The following CUL5 variants were observed in gnomAD, a reference collection of about 807,000 sequenced individuals.
The protein encoded by CUL5 is cullin 5, also known as cullin-5.
CUL5 carries 26 observed loss-of-function variants against 108.8 expected under a neutral mutation model. The ratio of observed to expected loss-of-function variants is 0.24; its 90% CI spans 0.18 to 0.33. CUL5 has a LOEUF of 0.33. Among genes scored for constraint, CUL5 ranks in the 10% least tolerant of loss-of-function variants. The pLI is 1.00. For synonymous variants in CUL5, 334 were observed against 298.0 expected, an observed-to-expected ratio of 1.12 and a Z score of -1.25; for missense variants, 524 against 909.2, an observed-to-expected ratio of 0.58 and a Z score of 5.45.
chr11:108,091,179 G>C (rs1422661590), intron 13 of CUL5, among the ~76,000 whole-genome samples: 1 of 151,910 alleles, frequency 6.6e-6, no homozygotes, highest in Non-Finnish European at 1.5e-5. Flanking sequence ...AGCCTCCTAA[G>C]TAGCTGGGAC....
chr11:108,066,632 A>G (rs374990051), intron 7 of CUL5, among the ~76,000 whole-genome samples: 51 of 152,184 alleles, frequency 3.4e-4, no homozygotes, highest in African/African-American at 8.7e-4. Flanking sequence ...GTTTCTTCCT[A>G]TTTGAATTCC....
chr11:108,009,348 C>T lies in CUL5; in HGVS notation c.-1C>T. On this transcript the variant is annotated 5_prime_UTR_variant, in exon 1 of 19. Transcript: ENST00000393094. ...TCTCGCGAGAGTCCAAGTTAAAGAA[C>T]ATGGCGACGTCTAATCTGTTAAAGG... 1.2e-6 allele frequency: 2 copies of T among 1,613,252 alleles called. No homozygotes were observed. The highest frequency in any genetic ancestry group is 1.7e-6 in the Non-Finnish European group (2 of 1,179,620).
intron 1 of CUL5, among the ~76,000 whole-genome samples, chr11:108,031,700 G>A (rs1443419111): frequency 4.6e-5 from 7 of 151,988 alleles, no homozygotes; most frequent in South Asian, 2.1e-4. Flanking sequence ...CAGTGCTGTC[G>A]TATAAAGACA....
intron 1 of CUL5, among the ~76,000 whole-genome samples, chr11:108,032,517 CAAAA>C (rs1704255604): frequency 6.6e-6 from 1 of 151,962 alleles, no homozygotes; most frequent in Non-Finnish European, 1.5e-5. Context: ...TAAAAACAAA[CAAAA>C]AACAAATCAC....
At chr11:108,087,755 AG>A (rs1287784386) in intron 11 of CUL5, among the ~76,000 whole-genome samples, 4 of 151,826 alleles carry the variant, frequency 2.6e-5, no homozygotes, top group Non-Finnish European at 4.4e-5. Context: ...ACCTGAGGTC[AG>A]AAGTTTGAGA....
chr11:108,096,501 A>T (rs948852530), intron 16 of CUL5, among the ~76,000 whole-genome samples: 70 of 150,150 alleles, frequency 4.7e-4, no homozygotes, highest in African/African-American at 1.1e-3. Flanking sequence ...TTTTTTTTTT[A>T]AAAAAGAGAA....
intron 4 of CUL5, among the ~76,000 whole-genome samples, chr11:108,051,142 T>TA (rs1330891847): frequency 6.6e-6 from 1 of 152,196 alleles, no homozygotes; most frequent in Non-Finnish European, 1.5e-5. Flanking sequence ...AGGGATACTG[T>TA]AAATTTAGAT....
intron 1 of CUL5, among the ~76,000 whole-genome samples, chr11:108,019,158 A>G (rs1189697413): frequency 8.1e-6 from 1 of 124,030 alleles, no homozygotes; most frequent in Non-Finnish European, 1.6e-5. Context: ...ATTTTCTATC[A>G]AGGACTTGAA....
intron 18 of CUL5, among the ~76,000 whole-genome samples, chr11:108,099,678 C>T (rs1864597655): frequency 2.0e-5 from 3 of 151,974 alleles, no homozygotes; most frequent in African/African-American, 7.3e-5. Flanking sequence ...GTGAACATTA[C>T]CCAATTAAGA....
chr11:108,073,366 T>TA, intron 9 of CUL5, 24 bp from the exon 10 acceptor site: 1 of 1,126,106 alleles, frequency 8.9e-7, no homozygotes, highest in Non-Finnish European at 1.3e-6. Flanking sequence ...TTTAAAAACT[T>TA]AATGTAAAAC....
chr11:108,044,889 G>A (rs1254627689), intron 2 of CUL5, among the ~76,000 whole-genome samples: 4 of 152,006 alleles, frequency 2.6e-5, no homozygotes, highest in African/African-American at 9.7e-5. Context: ...AGCCTCCCAA[G>A]TAGCTGGGAT....
intron 10 of CUL5, among the ~76,000 whole-genome samples, chr11:108,075,502 A>G (rs1565259953): frequency 6.6e-6 from 1 of 152,206 alleles, no homozygotes; most frequent in Admixed American, 6.5e-5. Flanking sequence ...TACACCAGGT[A>G]TGTGGCTTGG....
At chr11:108,021,036 T>G (rs991572021) in intron 1 of CUL5, among the ~76,000 whole-genome samples, 1 of 152,246 alleles carries the variant, frequency 6.6e-6, no homozygotes, top group African/African-American at 2.4e-5. Context: ...TTTGTCCTAA[T>G]TGCCTCCAGC....
At chr11:108,078,057 T>A in intron 10 of CUL5, 119 bp from the exon 11 acceptor site, 1 of 557,484 alleles carries the variant, frequency 1.8e-6, no homozygotes, top group South Asian at 3.0e-5. Context: ...AAATTCTGTT[T>A]GGCCAGATAT....
chr11:108,030,152 T>C lies in CUL5; in HGVS notation c.25-3650T>C, dbSNP rs552256652. On this transcript the variant is annotated intron_variant, in intron 1 of 18. Transcript: ENST00000393094. ...AATGTGAGGCCAGGCATAAAGTTAT[T>C]GTACAAAGTATATGCCGCAGCATCA... is the stretch of plus-strand genomic sequence containing the variant. 2.6e-5 allele frequency among the ~76,000 whole-genome samples: 4 copies of C among 152,302 alleles called. No homozygotes were observed. In the East Asian group the frequency reaches 7.7e-4, roughly 29 times the overall value.
chr11:108,038,677 GAA>G (rs368452724), intron 2 of CUL5, among the ~76,000 whole-genome samples: 5 of 105,356 alleles, frequency 4.7e-5, no homozygotes, highest in East Asian at 2.8e-4. Flanking sequence ...CTCCATCTCA[GAA>G]AAAAAAAAAA....
intron 18 of CUL5, 110 bp downstream of exon 18, chr11:108,098,639 C>A: frequency 1.3e-6 from 1 of 772,682 alleles, no homozygotes. Flanking sequence ...GGGCTAAGTG[C>A]AGTGGCCCAC....
Position 108,072,388 on chromosome 11 carries a change from T to A in CUL5, c.931T>A (p.Leu311Met), listed in dbSNP as rs776525007. ...DKVPNGIEPM[L>M]KDLEEHIISA... ...AGTTCCTAATGGTATAGAGCCAATG[T>A]TGAAAGACTTGGAGGAACATATCAT... The change falls in exon 9 of 19, where the codon TTG (leucine) becomes ATG (methionine). Residue 311 changes from leucine to methionine, a missense_variant. Physicochemically the swap from Leu to Met is conservative, Grantham distance 15 (BLOSUM62 2). This residue lies in a region of CUL5 where 170 missense variants were observed against 305.1 expected (regional missense o/e 0.56). Coordinates refer to ENST00000393094, the MANE Select transcript of CUL5 (RefSeq NM_003478.6). 1.2e-6 allele frequency: 2 copies of A among 1,612,260 alleles called. No homozygotes were observed. Among genetic ancestry groups the A allele is most frequent in the Non-Finnish European group, 1.7e-6 (2 of 1,178,556 alleles).
At chr11:108,022,758 T>G (rs554726267) in intron 1 of CUL5, among the ~76,000 whole-genome samples, 1 of 152,306 alleles carries the variant, frequency 6.6e-6, no homozygotes, top group East Asian at 1.9e-4. Context: ...GATATAAATT[T>G]TTTAACTTTC....
Sources: gnomAD v4.1 joint callset for allele counts (sites outside exome capture counted in the v4.1 genomes callset) on GRCh38, gnomAD v4.1.1 for gene constraint, gnomAD v4.1.1 regional missense constraint, MANE v1.5 for transcripts, NCBI Gene and HGNC (gene_info 2026-07-23, HGNC 2026-07-21) for gene names.